The following ARHGEF28 variants were observed in gnomAD, a reference collection of about 807,000 sequenced individuals.
The protein encoded by ARHGEF28 is 190 kDa guanine nucleotide exchange factor.
Under a neutral mutation model 206.6 loss-of-function variants are expected in ARHGEF28, and 152 were observed. That is an observed-to-expected ratio of 0.74 (90% confidence interval 0.64 to 0.84). ARHGEF28 has a LOEUF of 0.84. ARHGEF28 is among the 40% of genes least tolerant of loss of function. The pLI, the probability that ARHGEF28 is intolerant of heterozygous loss-of-function variation, is 0.00. For synonymous variants in ARHGEF28, 763 were observed against 776.4 expected (o/e 0.98, Z 0.29); for missense variants, 2,028 against 2,073.2 (o/e 0.98, Z 0.42).
chr5:73,906,696 G>C (rs1426605190), intron 33 of ARHGEF28, among the ~76,000 whole-genome samples: 1 of 152,072 alleles, frequency 6.6e-6, no homozygotes, highest in Non-Finnish European at 1.5e-5. Context: ...GGAGAGCTTT[G>C]TAATTGTCTT....
chr5:73,793,991 A>T (rs1259279674), intron 7 of ARHGEF28, among the ~76,000 whole-genome samples: 1 of 152,100 alleles, frequency 6.6e-6, no homozygotes, highest in Non-Finnish European at 1.5e-5. Flanking sequence ...CTCTTTTAAA[A>T]CATATTGAAA....
At chr5:73,723,636 CA>C (rs1196135424) in intron 2 of ARHGEF28, among the ~76,000 whole-genome samples, 7 of 152,040 alleles carry the variant, frequency 4.6e-5, no homozygotes, top group African/African-American at 7.2e-5. Context: ...AAGAACAAAA[CA>C]AAAAAACCAG....
At chr5:73,878,150 G>A (rs1305657223) in intron 22 of ARHGEF28, among the ~76,000 whole-genome samples, 1 of 151,776 alleles carries the variant, frequency 6.6e-6, no homozygotes, top group East Asian at 1.9e-4. Flanking sequence ...AGCTCTTCTT[G>A]TTGAATTGAT....
chr5:73,864,084 A>G (rs2973560), intron 16 of ARHGEF28, among the ~76,000 whole-genome samples: 48,988 of 151,944 alleles, frequency 0.32, 8,571 homozygotes, highest in Admixed American at 0.42. Flanking sequence ...TGTGTGTGGG[A>G]TGGTGATGTA....
chr5:73,838,359 A>G (rs192845645), intron 10 of ARHGEF28, among the ~76,000 whole-genome samples: 5 of 152,320 alleles, frequency 3.3e-5, no homozygotes, highest in African/African-American at 1.2e-4. Context: ...TCTGAAAATA[A>G]TCTTATCTAA....
At chr5:73,910,594 G>T (rs1168542011) in intron 34 of ARHGEF28, among the ~76,000 whole-genome samples, 2 of 152,060 alleles carry the variant, frequency 1.3e-5, no homozygotes, top group Non-Finnish European at 2.9e-5. Flanking sequence ...TCTGTCTTAA[G>T]AGTTCTATTA....
intron 1 of ARHGEF28, among the ~76,000 whole-genome samples, chr5:73,655,981 A>G (rs1266745337): frequency 6.6e-6 from 1 of 152,164 alleles, no homozygotes; most frequent in Non-Finnish European, 1.5e-5. Context: ...GATGGTCAAC[A>G]TGGCAGTATG....
intron 9 of ARHGEF28, among the ~76,000 whole-genome samples, chr5:73,830,811 C>CT (rs1368326210): frequency 6.6e-6 from 1 of 151,840 alleles, no homozygotes; most frequent in Non-Finnish European, 1.5e-5. Context: ...AGTTATTAAT[C>CT]TTTTTTTATT....
At chr5:73,637,732 C>T (rs1384858123) in intron 1 of ARHGEF28, among the ~76,000 whole-genome samples, 1 of 152,182 alleles carries the variant, frequency 6.6e-6, no homozygotes, top group African/African-American at 2.4e-5. Flanking sequence ...ACATATGCTG[C>T]ATGCTGGAGG....
At chr5:73,734,128 A>G (rs999717287) in intron 2 of ARHGEF28, among the ~76,000 whole-genome samples, 1 of 152,116 alleles carries the variant, frequency 6.6e-6, no homozygotes, top group Admixed American at 6.5e-5. Flanking sequence ...TGAACATGGG[A>G]TTTGGGTAGG....
chr5:73,747,506 C>T (rs1353146892), intron 2 of ARHGEF28, among the ~76,000 whole-genome samples: 1 of 152,160 alleles, frequency 6.6e-6, no homozygotes, highest in Non-Finnish European at 1.5e-5. Context: ...CTTTATCTGC[C>T]TTTTCTGAAT....
At chr5:73,838,103 A>T (rs1346185643) in intron 10 of ARHGEF28, among the ~76,000 whole-genome samples, 1 of 152,206 alleles carries the variant, frequency 6.6e-6, no homozygotes, top group African/African-American at 2.4e-5. Flanking sequence ...ATGTGAAGCC[A>T]AAAAGAAAAA....
At chr5:73,663,926 G>C (rs1485932413) in intron 1 of ARHGEF28, among the ~76,000 whole-genome samples, 1 of 152,130 alleles carries the variant, frequency 6.6e-6, no homozygotes, top group African/African-American at 2.4e-5. Flanking sequence ...GGGTAGAGGT[G>C]GATTTCAATC....
chr5:73,819,943 T>G (rs893661745), intron 9 of ARHGEF28, among the ~76,000 whole-genome samples: 5 of 152,228 alleles, frequency 3.3e-5, no homozygotes, highest in African/African-American at 1.2e-4. Flanking sequence ...TCACTCTGCC[T>G]TGCGTACGTT....
rs1415741219 is a variant in ARHGEF28 at position 73,749,840 on chromosome 5, C to T, written c.37C>T (p.Gln13Ter). Residue 13 changes from glutamine to a stop codon, truncating the protein, a stop_gained, in exon 3 of 36, where the codon CAG becomes TAG. Coordinates refer to ENST00000513042, the MANE Select transcript of ARHGEF28 (RefSeq NM_001177693.2). LOFTEE classifies it high-confidence loss of function. ...LSCSEAPLYG[Q>*]MMIYAKFDKN... ...CCCCGACTTATTCCTTTTTCAGGGGCAGATGATGATCTATGCGAAGTTTGA... is the reference window on the plus strand; with the variant it reads ...CCCCGACTTATTCCTTTTTCAGGGGTAGATGATGATCTATGCGAAGTTTGA... The T allele has an allele frequency of 6.2e-7, 1 of 1,613,642 alleles. No homozygotes were observed. Among genetic ancestry groups the T allele is most frequent in the African/African-American group, 1.3e-5 (1 of 74,896 alleles).
intron 35 of ARHGEF28, among the ~76,000 whole-genome samples, chr5:73,934,042 A>G (rs10035742): frequency 0.037 from 5,667 of 152,132 alleles, 136 homozygotes; most frequent in Non-Finnish European, 0.055. Context: ...CCTTTAAAAA[A>G]TTTTACAATT....
chr5:73,796,376 C>T (rs1391363959), intron 9 of ARHGEF28, among the ~76,000 whole-genome samples: 1 of 152,166 alleles, frequency 6.6e-6, no homozygotes, highest in Non-Finnish European at 1.5e-5. Flanking sequence ...TGACTGAGGG[C>T]TCAAGCTGAT....
In ARHGEF28 at chr5:73,941,062, G is replaced by A; in HGVS notation, c.*49G>A. 7.1e-7 allele frequency: 1 copy of A among 1,414,306 alleles called. No individual in the cohort carries two copies. The highest frequency in any genetic ancestry group is 9.2e-7 in the Non-Finnish European group (1 of 1,087,920). The allele number at this position is 1,414,306 out of a possible 1,614,324, so 87.6% of individuals were successfully genotyped here. ...AAACAAAACACTGGCACTTTTGGGA[G>A]AAACTTTTTGTCTCCATTCCTTATG... is the stretch of plus-strand genomic sequence containing the variant. On this transcript the variant is annotated 3_prime_UTR_variant, in exon 36 of 36. Coordinates refer to ENST00000513042, the MANE Select transcript of ARHGEF28 (RefSeq NM_001177693.2).
At chr5:73,688,534 A>G (rs1158438779) in intron 2 of ARHGEF28, among the ~76,000 whole-genome samples, 1 of 152,208 alleles carries the variant, frequency 6.6e-6, no homozygotes, top group East Asian at 1.9e-4. Context: ...ATTGATAAAG[A>G]ACATTTTTTA....
Sources: allele counts gnomAD v4.1 joint callset (sites outside exome capture counted in the v4.1 genomes callset), GRCh38; gene constraint gnomAD v4.1.1; transcripts MANE v1.5; gene names NCBI Gene and HGNC (gene_info 2026-07-23, HGNC 2026-07-21).